SNTG1: variants seen among roughly 807,000 people sequenced by gnomAD.
SNTG1 encodes gamma-1-syntrophin.
SNTG1 carries 39 observed loss-of-function variants against 74.7 expected under a neutral mutation model. The ratio of observed to expected loss-of-function variants is 0.52; its 90% CI spans 0.40 to 0.68. SNTG1 has a LOEUF of 0.68. Among genes scored for constraint, SNTG1 ranks in the 30% least tolerant of loss-of-function variants. The probability of loss-of-function intolerance (pLI) is 0.00; values close to 1 mark genes in which losing one functional copy is unlikely to be tolerated. For synonymous variants in SNTG1, 254 were observed against 217.1 expected, an observed-to-expected ratio of 1.17 and a Z score of -1.49; for missense variants, 685 against 609.5, an observed-to-expected ratio of 1.12 and a Z score of -1.30.
In SNTG1 at chr8:50,730,115, A is replaced by G. The variant is rs137961526; in HGVS notation, c.1284+21137A>G. Among the ~76,000 whole-genome samples the G allele has an allele frequency of 2.2e-3, 332 of 152,318 alleles. 2 individuals are homozygous for G. Among genetic ancestry groups the G allele is most frequent in the African/African-American group, 7.6e-3 (315 of 41,578 alleles). On this transcript the variant is annotated intron_variant, in intron 17 of 18. Coordinates refer to ENST00000642720, the MANE Select transcript of SNTG1 (RefSeq NM_018967.5). ...GAAGAAAAAAATTTCAATCCAGAAT[A>G]TTGTACAAATATACTTTGGAAATGA...
intron 2 of SNTG1, among the ~76,000 whole-genome samples, chr8:50,330,600 C>G (rs1313864784): frequency 6.6e-6 from 1 of 152,114 alleles, no homozygotes; most frequent in African/African-American, 2.4e-5. Context: ...TATCCCAGTA[C>G]CAATTTACTA....
chr8:50,246,079 T>G (rs1373596587), intron 2 of SNTG1, among the ~76,000 whole-genome samples: 2 of 150,992 alleles, frequency 1.3e-5, no homozygotes, highest in African/African-American at 4.9e-5. Flanking sequence ...TAAAATGTAT[T>G]AAAATCTCTC....
At chr8:50,237,591 C>T (rs1300734779) in intron 2 of SNTG1, among the ~76,000 whole-genome samples, 2 of 152,082 alleles carry the variant, frequency 1.3e-5, no homozygotes, top group Non-Finnish European at 2.9e-5. Context: ...TCTCTACTTT[C>T]AATATAATGA....
At chr8:50,006,429 T>C (rs960472565) in intron 1 of SNTG1, among the ~76,000 whole-genome samples, 1 of 152,222 alleles carries the variant, frequency 6.6e-6, no homozygotes, top group South Asian at 2.1e-4. Context: ...TGTTCTGTGA[T>C]TGTCTTTTAT....
At chr8:50,580,863 G>A (rs948272186) in intron 12 of SNTG1, among the ~76,000 whole-genome samples, 4 of 152,132 alleles carry the variant, frequency 2.6e-5, no homozygotes, top group African/African-American at 9.7e-5. Flanking sequence ...GTGAACATGA[G>A]CAAAGACACT....
intron 1 of SNTG1, among the ~76,000 whole-genome samples, chr8:50,076,465 T>C (rs545229340): frequency 6.2e-4 from 94 of 152,304 alleles, no homozygotes; most frequent in African/African-American, 2.1e-3. Flanking sequence ...AAGAACCATT[T>C]TGAGTGGACT....
intron 2 of SNTG1, among the ~76,000 whole-genome samples, chr8:50,328,184 A>G (rs1288891859): frequency 1.3e-5 from 2 of 152,168 alleles, no homozygotes; most frequent in Non-Finnish European, 2.9e-5. Flanking sequence ...TTCACTCTTA[A>G]GAACTTCTTT....
intron 18 of SNTG1, among the ~76,000 whole-genome samples, chr8:50,764,657 C>T (rs1397186923): frequency 6.6e-6 from 1 of 151,800 alleles, no homozygotes; most frequent in East Asian, 1.9e-4. Context: ...AAAGGGAACC[C>T]CTGTATGCTG....
chr8:50,075,359 G>C (rs1346303969), intron 1 of SNTG1, among the ~76,000 whole-genome samples: 2 of 152,200 alleles, frequency 1.3e-5, no homozygotes, highest in African/African-American at 4.8e-5. Flanking sequence ...TGTCTGGCTG[G>C]AGGATTGTAT....
intron 15 of SNTG1, among the ~76,000 whole-genome samples, chr8:50,701,669 C>CCTCCTCTTT (rs1563761548): frequency 2.8e-5 from 4 of 144,872 alleles, no homozygotes; most frequent in African/African-American, 1.1e-4. Context: ...TCTTCTTCTT[C>CCTCCTCTTT]TTCCTTCTTC....
intron 2 of SNTG1, among the ~76,000 whole-genome samples, chr8:50,322,809 A>G (rs774477524): frequency 4.0e-5 from 6 of 151,774 alleles, no homozygotes; most frequent in Non-Finnish European, 7.4e-5. Context: ...TGCTTGATCA[A>G]TTCTGCTATT....
At chr8:50,396,777 T>C (rs1271001855) in intron 3 of SNTG1, among the ~76,000 whole-genome samples, 1 of 152,202 alleles carries the variant, frequency 6.6e-6, no homozygotes, top group African/African-American at 2.4e-5. Flanking sequence ...AGAATATAAA[T>C]TAAAAAGGCC....
At chr8:50,632,631 A>G (rs1355679839) in intron 13 of SNTG1, among the ~76,000 whole-genome samples, 1 of 152,202 alleles carries the variant, frequency 6.6e-6, no homozygotes, top group Non-Finnish European at 1.5e-5. Context: ...ATCTCTTATT[A>G]GGTTAAGAAA....
intron 17 of SNTG1, among the ~76,000 whole-genome samples, chr8:50,719,254 C>T (rs1379480176): frequency 6.6e-5 from 10 of 152,152 alleles, no homozygotes; most frequent in Non-Finnish European, 1.2e-4. Flanking sequence ...GAGAGCCTTT[C>T]GGGAGGTGAT....
chr8:50,451,471 G>A (rs2093457177), intron 8 of SNTG1, among the ~76,000 whole-genome samples: 5 of 152,080 alleles, frequency 3.3e-5, no homozygotes. Flanking sequence ...GTGAGTTTGT[G>A]TGTTTCTGTG....
At chr8:50,165,442 G>A (rs1243517398) in intron 1 of SNTG1, among the ~76,000 whole-genome samples, 1 of 152,172 alleles carries the variant, frequency 6.6e-6, no homozygotes, top group African/African-American at 2.4e-5. Flanking sequence ...ATTATTTTGT[G>A]TCCTGTATAC....
Position 50,361,839 on chromosome 8 carries a change from T to C in SNTG1, c.-27-32373T>C, listed in dbSNP as rs140160624. On this transcript the variant is annotated intron_variant, in intron 2 of 18. Coordinates refer to ENST00000642720, the MANE Select transcript of SNTG1 (RefSeq NM_018967.5). ...ACATTACTATACTAAAACTTGAAGG[T>C]AATTGCAACACTATAGTAAGTATTT... Among the ~76,000 whole-genome samples the C allele has an allele frequency of 2.5e-3, 379 of 152,250 alleles. 2 individuals are homozygous for C. The highest frequency in any genetic ancestry group is 8.7e-3 in the African/African-American group (363 of 41,536).
chr8:50,086,706 C>T (rs767551249), intron 1 of SNTG1, among the ~76,000 whole-genome samples: 4 of 152,052 alleles, frequency 2.6e-5, no homozygotes, highest in Non-Finnish European at 4.4e-5. Flanking sequence ...TAACTAGAGA[C>T]ATGGATTTCT....
At chr8:50,404,626 GTTTTT>G (rs199917490) in intron 4 of SNTG1, among the ~76,000 whole-genome samples, 1 of 147,440 alleles carries the variant, frequency 6.8e-6, no homozygotes, top group Non-Finnish European at 1.5e-5. Context: ...GGTCAGTTAA[GTTTTT>G]TTTTTTAACT....
Sources: allele counts gnomAD v4.1 joint callset (sites outside exome capture counted in the v4.1 genomes callset), GRCh38; gene constraint gnomAD v4.1.1; transcripts MANE v1.5; gene names NCBI Gene and HGNC (gene_info 2026-07-23, HGNC 2026-07-21).